KLHDC10: variants seen among roughly 807,000 people sequenced by gnomAD.
KLHDC10 encodes the protein kelch domain containing 10.
KLHDC10 carries 24 observed loss-of-function variants against 56.1 expected under a neutral mutation model. The ratio of observed to expected loss-of-function variants is 0.43; its 90% CI spans 0.31 to 0.60. KLHDC10 has a LOEUF of 0.60. Ranked by LOEUF, KLHDC10 falls within the 20% of genes least tolerant of loss-of-function variation. KLHDC10 has a pLI of 0.11. For synonymous variants in KLHDC10, 188 were observed against 207.1 expected (o/e 0.91, Z 0.79); for missense variants, 349 against 567.0 (o/e 0.62, Z 3.91).
In KLHDC10 at chr7:130,120,684, G is replaced by C; in HGVS notation, c.476-65G>C. 1.3e-6 allele frequency: 2 copies of C among 1,557,356 alleles called. No individual in the cohort carries two copies. Among genetic ancestry groups the C allele is most frequent in the Non-Finnish European group, 1.8e-6 (2 of 1,135,608 alleles). ...TATGTGTAGCTTCTCAGATATTCTGGGTTTATGTGGGAACAAATTGCAGGT... is the reference window on the plus strand; with the variant it reads ...TATGTGTAGCTTCTCAGATATTCTGCGTTTATGTGGGAACAAATTGCAGGT... On this transcript the variant is annotated intron_variant, in intron 3 of 9. Transcript: ENST00000335420. The surrounding 1 kb of genome is among the most constrained non-coding windows in gnomAD (Gnocchi z 5.1).
intron 9 of KLHDC10, 54 bp downstream of exon 9, chr7:130,129,630 T>C: frequency 6.5e-7 from 1 of 1,531,232 alleles, no homozygotes; most frequent in South Asian, 1.2e-5. Context: ...TAAGGAAATC[T>C]TTTTAGAGAT....
At chr7:130,118,904 A>C (rs1270590219) in intron 3 of KLHDC10, among the ~76,000 whole-genome samples, 2 of 152,174 alleles carry the variant, frequency 1.3e-5, no homozygotes, top group Non-Finnish European at 2.9e-5. Context: ...AACAGTTACA[A>C]TAGTAACATC....
chr7:130,129,339 C>T, intron 8 of KLHDC10, 98 bp from the exon 9 acceptor site: 1 of 1,393,016 alleles, frequency 7.2e-7, no homozygotes, highest in Non-Finnish European at 9.9e-7. Context: ...ATCCACTTCA[C>T]TGGCCGCATG....
chr7:130,070,692 G>A lies in KLHDC10; in HGVS notation c.49G>A (p.Ala17Thr). Reference protein sequence around the residue: ...WDRNRRRGGGAAGAGGGGSGA... With the variant: ...WDRNRRRGGGTAGAGGGGSGA... Reference sequence around the variant, plus strand: ...CAGGAACCGCCGGAGGGGAGGAGGCGCCGCCGGCGCTGGTGGCGGAGGTAG... The same window carrying A: ...CAGGAACCGCCGGAGGGGAGGAGGCACCGCCGGCGCTGGTGGCGGAGGTAG... The change falls in exon 1 of 10, where the codon GCC (alanine) becomes ACC (threonine). Residue 17 changes from alanine (A) to threonine (T), a missense_variant. Coordinates refer to ENST00000335420, the MANE Select transcript of KLHDC10 (RefSeq NM_014997.4). The A allele has an allele frequency of 7.7e-7, 1 of 1,299,702 alleles. No homozygotes were observed. The highest frequency in any genetic ancestry group is 2.3e-5 in the South Asian group (1 of 42,816). 80.5% of individuals were successfully genotyped at this position (1,299,702 alleles called of 1,614,324 possible). A position where few individuals can be genotyped will look rare whatever the true frequency, so the allele number is the denominator to read the frequency against.
intron 1 of KLHDC10, among the ~76,000 whole-genome samples, chr7:130,092,172 ATCTT>A (rs1795784260): frequency 6.6e-6 from 1 of 152,228 alleles, no homozygotes; most frequent in South Asian, 2.1e-4. Context: ...TGAATACTGT[ATCTT>A]TCCAGAAAGT....
Position 130,116,738 on chromosome 7 carries a change from C to A in KLHDC10, c.475+72C>A. ...AAGCCAGGTTCAATGTCCCATATTCCTCATTAATAATTTATAACACTATAA... is the reference window on the plus strand; with the variant it reads ...AAGCCAGGTTCAATGTCCCATATTCATCATTAATAATTTATAACACTATAA... On this transcript the variant is annotated intron_variant, in intron 3 of 9. Coordinates refer to ENST00000335420, the MANE Select transcript of KLHDC10 (RefSeq NM_014997.4). The surrounding 1 kb of genome is among the most constrained non-coding windows in gnomAD (Gnocchi z 4.8). 1 of 1,212,960 alleles carries A rather than the reference C, an allele frequency of 8.2e-7. No homozygotes were observed. Among genetic ancestry groups the A allele is most frequent in the Non-Finnish European group, 1.2e-6 (1 of 819,504 alleles). 75.1% of individuals were successfully genotyped at this position (1,212,960 alleles called of 1,614,324 possible).
Position 130,122,208 on chromosome 7 carries a change from G to C in KLHDC10, c.779+6G>C. On this transcript the variant is annotated splice_donor_region_variant and intron_variant, in intron 5 of 9. Transcript: ENST00000335420. ...TGTGATCTACCAGAAGAGAGGTGAG[G>C]TTCTAGGATTCAAGCATATTTATTC... 1 of 1,612,116 alleles carries C rather than the reference G, an allele frequency of 6.2e-7. No homozygotes were observed. The highest frequency in any genetic ancestry group is 8.5e-7 in the Non-Finnish European group (1 of 1,179,368).
intron 3 of KLHDC10, among the ~76,000 whole-genome samples, chr7:130,118,214 T>C (rs974327153): frequency 7.2e-5 from 11 of 152,206 alleles, no homozygotes; most frequent in Non-Finnish European, 1.0e-4. Flanking sequence ...ATCTGTTGTT[T>C]AGTGTAGCCA....
At chr7:130,106,731 G>A (rs775794550) in intron 2 of KLHDC10, among the ~76,000 whole-genome samples, 13 of 152,072 alleles carry the variant, frequency 8.5e-5, no homozygotes, top group Non-Finnish European at 1.6e-4. Context: ...TAATCCCAGC[G>A]CTTTGGGAGG....
chr7:130,118,496 C>T (rs553953996), intron 3 of KLHDC10, among the ~76,000 whole-genome samples: 1 of 152,340 alleles, frequency 6.6e-6, no homozygotes, highest in Non-Finnish European at 1.5e-5. Context: ...TGCATATCAG[C>T]AATAAGGCTG....
At chr7:130,111,853 A>G (rs1303282725) in intron 2 of KLHDC10, among the ~76,000 whole-genome samples, 1 of 152,198 alleles carries the variant, frequency 6.6e-6, no homozygotes, top group Non-Finnish European at 1.5e-5. Flanking sequence ...TGAACTAGTA[A>G]AATAAGGGAA....
intron 2 of KLHDC10, 72 bp downstream of exon 2, chr7:130,097,079 C>T: frequency 9.6e-7 from 1 of 1,045,146 alleles, no homozygotes; most frequent in African/African-American, 1.6e-5. Context: ...TTTCTAAGCT[C>T]AAAACTCTGG....
chr7:130,123,427 G>A (rs990423159), intron 5 of KLHDC10, among the ~76,000 whole-genome samples: 4 of 150,616 alleles, frequency 2.7e-5, no homozygotes, highest in African/African-American at 7.3e-5. Flanking sequence ...CTGAGATCAC[G>A]CCATTGCGCT....
chr7:130,107,119 A>G (rs72607765), intron 2 of KLHDC10, among the ~76,000 whole-genome samples: 20,438 of 151,970 alleles, frequency 0.13, 1,573 homozygotes, highest in East Asian at 0.31. Flanking sequence ...TTTATTGATA[A>G]GAAACCAATA....
At chr7:130,091,717 G>A (rs569075356) in intron 1 of KLHDC10, among the ~76,000 whole-genome samples, 2 of 152,110 alleles carry the variant, frequency 1.3e-5, no homozygotes, top group African/African-American at 4.8e-5. Context: ...TTATAGTTCT[G>A]AATGTTAGTA....
At chr7:130,108,169 A>G (rs900053663) in intron 2 of KLHDC10, among the ~76,000 whole-genome samples, 5 of 152,106 alleles carry the variant, frequency 3.3e-5, no homozygotes, top group African/African-American at 4.8e-5. Context: ...CGGAAGTTGC[A>G]GTGAGCCGAA....
intron 2 of KLHDC10, among the ~76,000 whole-genome samples, chr7:130,099,107 T>G (rs1396360039): frequency 1.3e-5 from 2 of 152,208 alleles, no homozygotes; most frequent in Admixed American, 6.5e-5. Context: ...TCTCTTTTTT[T>G]GGGTTGCTTT....
chr7:130,126,681 T>A (rs1350014871), intron 7 of KLHDC10, among the ~76,000 whole-genome samples: 4 of 151,762 alleles, frequency 2.6e-5, no homozygotes, highest in East Asian at 1.9e-4. Context: ...GTCAAAAAAA[T>A]AAATAAATAA....
chr7:130,105,008 T>A (rs1795989350), intron 2 of KLHDC10, among the ~76,000 whole-genome samples: 1 of 152,002 alleles, frequency 6.6e-6, no homozygotes, highest in Admixed American at 6.6e-5. Flanking sequence ...GAAAAGGCGC[T>A]CACCCTCATT....
Sources: gnomAD v4.1 joint callset for allele counts (sites outside exome capture counted in the v4.1 genomes callset) on GRCh38, gnomAD v4.1.1 for gene constraint, Gnocchi (gnomAD v3.1) non-coding constraint, MANE v1.5 for transcripts, NCBI Gene and HGNC (gene_info 2026-07-23, HGNC 2026-07-21) for gene names.